The following NCOR2 variants were observed in gnomAD, a reference collection of about 807,000 sequenced individuals.
The protein encoded by NCOR2 is nuclear receptor corepressor 2.
Under a neutral mutation model 262.9 loss-of-function variants are expected in NCOR2, and 81 were observed. The ratio of observed to expected loss-of-function variants is 0.31; its 90% CI spans 0.26 to 0.37. The LOEUF is 0.37. Ranked by LOEUF, NCOR2 falls within the 10% of genes least tolerant of loss-of-function variation. The probability of loss-of-function intolerance (pLI) is 1.00; values close to 1 mark genes in which losing one functional copy is unlikely to be tolerated. For synonymous variants in NCOR2, 1,659 were observed against 1,559.3 expected, an observed-to-expected ratio of 1.06 and a Z score of -1.51; for missense variants, 3,385 against 3,621.4, an observed-to-expected ratio of 0.93 and a Z score of 1.68.
rs1031998932 is a variant in NCOR2, at chr12:124,566,754, A to C, written c.-165+554T>G. On this transcript the variant is annotated intron_variant, in intron 1 of 32. Coordinates refer to the NCOR2 transcript ENST00000458234. The surrounding 1 kb of genome is among the most constrained non-coding windows in gnomAD (Gnocchi z 4.3). ...AGGGGGACCAGGGGCGACTCTCCCG[A>C]GGGACCCCGCCCAGCGCCCCGTGGC... 6.6e-6 allele frequency among the ~76,000 whole-genome samples: 1 copy of C among 152,080 alleles called. No individual in the cohort carries two copies. Among genetic ancestry groups the C allele is most frequent in the African/African-American group, 2.4e-5 (1 of 41,414 alleles).
chr12:124,540,488 G>GAA (rs1566039861), upstream of NCOR2, among the ~76,000 whole-genome samples: 1 of 10,688 alleles, frequency 9.4e-5, no homozygotes, highest in African/African-American at 5.7e-4. Flanking sequence ...GATGGGGAGT[G>GAA]GAGCTGGAGG....
Position 124,566,958 on chromosome 12 carries a change from G to A in NCOR2, c.-165+350C>T, listed in dbSNP as rs1271292754. On this transcript the variant is annotated intron_variant, in intron 1 of 32. Transcript: ENST00000458234. This position sits in a 1 kb window ranked among gnomAD's most constrained non-coding sequence, Gnocchi z 4.3. ...CCCCGCCAGGTCCGGGGCTACACCG[G>A]GTACAAGGGACGCCTGGCGGCCAAG... Among the ~76,000 whole-genome samples the A allele has an allele frequency of 6.6e-6, 1 of 152,186 alleles. No homozygotes were observed. Among genetic ancestry groups the A allele is most frequent in the Non-Finnish European group, 1.5e-5 (1 of 68,018 alleles).
rs777998622 is a variant in NCOR2 at position 124,385,892 on chromosome 12, C to T, written c.1877-5G>A. ...TGCGGCCGTGTTCCAGGAGACCTGT[C>T]TCAGGAGAGGAGGGCAGTGAGAAGA... is the stretch of plus-strand genomic sequence containing the variant. On this transcript the variant is annotated splice_region_variant and splice_polypyrimidine_tract_variant and intron_variant, in intron 16 of 46. Transcript: ENST00000405201. The T allele has an allele frequency of 2.5e-6, 4 of 1,612,596 alleles. No individual in the cohort carries two copies. Among genetic ancestry groups the T allele is most frequent in the Non-Finnish European group, 3.4e-6 (4 of 1,179,656 alleles).
chr12:124,395,623 C>T (rs2041604297), intron 16 of NCOR2, among the ~76,000 whole-genome samples: 1 of 152,194 alleles, frequency 6.6e-6, no homozygotes, highest in South Asian at 2.1e-4. Context: ...GTCCTCCCAG[C>T]CTCCGGATCT....
chr12:124,392,497 T>A (rs2136154910), intron 16 of NCOR2, among the ~76,000 whole-genome samples: 1 of 151,990 alleles, frequency 6.6e-6, no homozygotes, highest in Non-Finnish European at 1.5e-5. Flanking sequence ...CCCTCCTGAG[T>A]CACACAGCTC....
At chr12:124,491,960 T>A (rs149666542) in intron 1 of NCOR2, among the ~76,000 whole-genome samples, 4 of 152,246 alleles carry the variant, frequency 2.6e-5, no homozygotes, top group Non-Finnish European at 5.9e-5. Context: ...GCCTGGAGCA[T>A]GGCTGAGGCT....
intron 13 of NCOR2, among the ~76,000 whole-genome samples, chr12:124,410,454 G>C: frequency 6.6e-6 from 1 of 151,688 alleles, no homozygotes; most frequent in Non-Finnish European, 1.5e-5. Flanking sequence ...CAGGAAACCA[G>C]AGACATCTGC....
chr12:124,399,539 C>T (rs926543587), intron 15 of NCOR2, among the ~76,000 whole-genome samples: 3 of 152,178 alleles, frequency 2.0e-5, no homozygotes, highest in African/African-American at 4.8e-5. Flanking sequence ...ACCCCAGCTA[C>T]AATGAAATTT....
chr12:124,422,077 T>G (rs1174401034), intron 12 of NCOR2, among the ~76,000 whole-genome samples: 1 of 152,204 alleles, frequency 6.6e-6, no homozygotes, highest in Non-Finnish European at 1.5e-5. Flanking sequence ...CCAGTCCCTT[T>G]GAGGCACGCC....
intron 3 of NCOR2, among the ~76,000 whole-genome samples, chr12:124,480,590 G>A (rs940634645): frequency 1.1e-4 from 16 of 152,222 alleles, no homozygotes; most frequent in African/African-American, 3.1e-4. Flanking sequence ...CACCGCCACC[G>A]TCTAGGTTCC....
chr12:124,484,778 G>A (rs114240742), intron 2 of NCOR2, among the ~76,000 whole-genome samples: 3,937 of 152,268 alleles, frequency 0.026, 102 homozygotes, highest in African/African-American at 0.069. Flanking sequence ...CCTCCCACGC[G>A]CTTGGTGACA....
chr12:124,354,904 C>A, exon 25 of NCOR2: 2 of 1,612,238 alleles, frequency 1.2e-6, no homozygotes, highest in Middle Eastern at 1.7e-4. Context: ...CCTTGGCATG[C>A]TCTGAGTACG....
Position 124,378,450 on chromosome 12 carries a change from C to T in NCOR2, c.2020-66G>A. ...GCTGTCAGCTCGGGGACTCCCCATG[C>T]CTGGGGCCTCGCCGCAGGTGCAAAG... On this transcript the variant is annotated intron_variant, in intron 17 of 46. Transcript: ENST00000405201. The surrounding 1 kb of genome is among the most constrained non-coding windows in gnomAD (Gnocchi z 4.2). 2.0e-6 allele frequency: 3 copies of T among 1,492,506 alleles called. No homozygotes were observed. Among genetic ancestry groups the T allele is most frequent in the African/African-American group, 2.8e-5 (2 of 71,724 alleles). 92.5% of individuals were successfully genotyped at this position (1,492,506 alleles called of 1,614,324 possible).
intron 13 of NCOR2, among the ~76,000 whole-genome samples, chr12:124,403,335 G>A (rs746105963): frequency 7.9e-5 from 12 of 152,138 alleles, no homozygotes; most frequent in Non-Finnish European, 1.5e-4. Flanking sequence ...AGAGAGGCTG[G>A]GAGCCAAGCC....
intron 41 of NCOR2, 148 bp downstream of exon 43, chr12:124,334,276 C>T: frequency 7.1e-6 from 4 of 560,556 alleles, no homozygotes; most frequent in Middle Eastern, 4.7e-4. Context: ...TGTGACTCCC[C>T]CATCTCCTGG....
chr12:124,406,036 G>A lies in NCOR2; in HGVS notation c.1483-3475C>T, dbSNP rs142071426. ...CAAATCTCTGGGCGGAGACCCAGGC[G>A]TTCGTATGTTAAATTCCAGGTTATC... On this transcript the variant is annotated intron_variant, in intron 13 of 46. Transcript: ENST00000405201. 3.5e-3 allele frequency among the ~76,000 whole-genome samples: 538 copies of A among 152,332 alleles called. 3 individuals carry two copies. Among genetic ancestry groups the A allele is most frequent in the African/African-American group, 0.012 (513 of 41,560 alleles).
exon 45 of NCOR2, chr12:124,327,439 C>T (rs373620221): frequency 5.3e-5 from 85 of 1,611,964 alleles, no homozygotes; most frequent in Non-Finnish European, 6.4e-5. Flanking sequence ...TCACTCCGTC[C>T]GTCAGCAGCG....
chr12:124,516,978 G>A (rs940090590), intron 1 of NCOR2, among the ~76,000 whole-genome samples: 1 of 152,154 alleles, frequency 6.6e-6, no homozygotes, highest in African/African-American at 2.4e-5. Context: ...GAGGCTCAGA[G>A]ACAGTAAGTG....
chr12:124,554,934 G>T lies in NCOR2; in HGVS notation c.-165+12374C>A, dbSNP rs548894559. Among the ~76,000 whole-genome samples, 13 of 152,372 alleles carry T rather than the reference G, an allele frequency of 8.5e-5. No individual in the cohort carries two copies. The South Asian group carries it at 2.7e-3, about 32-fold the overall frequency. ...GAATGGGTTGGGTCAGGGCAGAGAC[G>T]TGGGCTTTGATGTCCAGGATTGGGC... On this transcript the variant is annotated intron_variant, in intron 1 of 32. Transcript: ENST00000458234.
Sources: gnomAD v4.1 joint callset for allele counts (sites outside exome capture counted in the v4.1 genomes callset) on GRCh38, gnomAD v4.1.1 for gene constraint, Gnocchi (gnomAD v3.1) non-coding constraint, MANE v1.5 for transcripts, NCBI Gene and HGNC (gene_info 2026-07-23, HGNC 2026-07-21) for gene names.